Variants in MAP3K3 observed in about 807,000 individuals in gnomAD.
The protein encoded by MAP3K3 is mitogen-activated protein kinase kinase kinase 3.
MAP3K3 carries 12 observed loss-of-function variants against 80.9 expected under a neutral mutation model. The observed-to-expected ratio is 0.15, with a 90% CI of 0.10 to 0.24. MAP3K3 has a LOEUF of 0.24. Ranked by LOEUF, MAP3K3 falls within the 10% of genes least tolerant of loss-of-function variation. The pLI is 1.00. For missense variants in MAP3K3, 596 were observed against 834.7 expected (o/e 0.71, Z 3.52); for synonymous variants, 272 against 307.1 (o/e 0.89, Z 1.19).
chr17:63,690,947 C>A, intron 12 of MAP3K3, 155 bp from the exon 13 acceptor site: 1 of 867,856 alleles, frequency 1.2e-6, no homozygotes, highest in Non-Finnish European at 1.7e-6. Context: ...AGCATTGTGG[C>A]CAAGAGCTAG....
At chr17:63,666,276 ATCT>A (rs1233781648) in intron 5 of MAP3K3, among the ~76,000 whole-genome samples, 3 of 152,154 alleles carry the variant, frequency 2.0e-5, no homozygotes, top group Non-Finnish European at 4.4e-5. Context: ...AAACCCTGGA[ATCT>A]TCTTAATTTT....
intron 5 of MAP3K3, among the ~76,000 whole-genome samples, chr17:63,660,322 G>A (rs2034861741): frequency 6.6e-6 from 1 of 151,402 alleles, no homozygotes; most frequent in Non-Finnish European, 1.5e-5. Flanking sequence ...TCCCATCTCA[G>A]CCTCACAAGT....
chr17:63,678,884 G>A (rs2035274141), intron 6 of MAP3K3, among the ~76,000 whole-genome samples: 1 of 152,040 alleles, frequency 6.6e-6, no homozygotes, highest in African/African-American at 2.4e-5. Flanking sequence ...ATAAGAATTA[G>A]CTGGGTATGG....
Position 63,662,094 on chromosome 17 carries a change from C to T in MAP3K3, c.381+4187C>T, listed in dbSNP as rs150929341. ...CTCCAGCCTGAGCCACAGAGCGAGA[C>T]TCCATCTCATCTCAATAATAATAAC... On this transcript the variant is annotated intron_variant, in intron 5 of 15. Transcript: ENST00000361733. Among the ~76,000 whole-genome samples, 19 of 150,444 alleles carry T rather than the reference C, an allele frequency of 1.3e-4. No homozygotes were observed. In the East Asian group the frequency reaches 3.6e-3, roughly 28 times the overall value.
chr17:63,640,075 G>A (rs2034410141), intron 2 of MAP3K3, among the ~76,000 whole-genome samples: 1 of 152,180 alleles, frequency 6.6e-6, no homozygotes, highest in Non-Finnish European at 1.5e-5. Context: ...GCATTACTCA[G>A]AGATGTAACT....
At chr17:63,671,635 G>A (rs939260634) in intron 6 of MAP3K3, among the ~76,000 whole-genome samples, 1 of 152,114 alleles carries the variant, frequency 6.6e-6, no homozygotes, top group Non-Finnish European at 1.5e-5. Flanking sequence ...CAGAGGTCAG[G>A]TGCCTGAGGT....
chr17:63,688,310 A>G (rs1205895355), intron 8 of MAP3K3: 6 of 588,970 alleles, frequency 1.0e-5, no homozygotes, highest in Non-Finnish European at 1.8e-5. Context: ...CAGATGGGGG[A>G]GATTTACCAC....
At position 63,689,847 on chromosome 17, in the gene MAP3K3, C is replaced by A; in HGVS notation, c.1063+112C>A. 1 of 960,950 alleles carries A rather than the reference C, an allele frequency of 1.0e-6. No individual in the cohort carries two copies. The highest frequency in any genetic ancestry group is 1.5e-6 in the Non-Finnish European group (1 of 652,668). 59.5% of individuals were successfully genotyped at this position (960,950 alleles called of 1,614,324 possible). On this transcript the variant is annotated intron_variant, in intron 11 of 15. Transcript: ENST00000361733. This position sits in a 1 kb window ranked among gnomAD's most constrained non-coding sequence, Gnocchi z 4.3. ...TAGGCTCAGCAGGTGGTGGCTTTGG[C>A]CCAAATGCACCACATGGGATAAGCC...
chr17:63,649,870 G>A (rs1269644036), intron 3 of MAP3K3, among the ~76,000 whole-genome samples: 1 of 152,186 alleles, frequency 6.6e-6, no homozygotes, highest in Non-Finnish European at 1.5e-5. Flanking sequence ...AAATTATCTG[G>A]TCAGATTTTA....
chr17:63,641,138 A>G (rs1177300998), intron 2 of MAP3K3, among the ~76,000 whole-genome samples: 1 of 152,156 alleles, frequency 6.6e-6, no homozygotes, highest in African/African-American at 2.4e-5. Flanking sequence ...ACCCAATTAT[A>G]TGATTTAATT....
At chr17:63,672,339 A>G (rs916365327) in intron 6 of MAP3K3, among the ~76,000 whole-genome samples, 54 of 151,342 alleles carry the variant, frequency 3.6e-4, no homozygotes, top group African/African-American at 1.3e-3. Flanking sequence ...ATTGAGAGAG[A>G]GGGAGGTAAA....
intron 2 of MAP3K3, among the ~76,000 whole-genome samples, chr17:63,640,337 G>C (rs1309167199): frequency 6.6e-6 from 1 of 152,112 alleles, no homozygotes; most frequent in African/African-American, 2.4e-5. Context: ...TAGGAGAGTA[G>C]TTGATATAGA....
intron 4 of MAP3K3, among the ~76,000 whole-genome samples, chr17:63,654,351 A>AAGCGTATGT (rs1220248186): frequency 6.1e-5 from 7 of 114,102 alleles, no homozygotes; most frequent in African/African-American, 2.5e-4. Flanking sequence ...TTCTTTGACT[A>AAGCGTATGT]AGCGTATGTT....
intron 3 of MAP3K3, among the ~76,000 whole-genome samples, chr17:63,650,672 G>T (rs1295793620): frequency 6.8e-6 from 1 of 147,082 alleles, no homozygotes; most frequent in Non-Finnish European, 1.5e-5. Flanking sequence ...GAGAGAGAGA[G>T]AGAGAGAGAG....
intron 2 of MAP3K3, among the ~76,000 whole-genome samples, chr17:63,640,730 A>AG (rs1244253616): frequency 6.6e-6 from 1 of 152,190 alleles, no homozygotes; most frequent in Non-Finnish European, 1.5e-5. Context: ...CAGTACAAGG[A>AG]GGGGGAGAAC....
chr17:63,669,949 A>G (rs2035071089), intron 6 of MAP3K3, among the ~76,000 whole-genome samples: 1 of 151,952 alleles, frequency 6.6e-6, no homozygotes, highest in Non-Finnish European at 1.5e-5. Flanking sequence ...CAAAAAATAC[A>G]AAAATTAGCC....
At chr17:63,677,777 G>A (rs1324564459) in intron 6 of MAP3K3, among the ~76,000 whole-genome samples, 1 of 152,202 alleles carries the variant, frequency 6.6e-6, no homozygotes, top group Non-Finnish European at 1.5e-5. Flanking sequence ...TGAAGCAGGA[G>A]GATCCCTTGA....
At chr17:63,625,210 A>G (rs926731016) in intron 1 of MAP3K3, among the ~76,000 whole-genome samples, 2 of 152,228 alleles carry the variant, frequency 1.3e-5, no homozygotes, top group East Asian at 3.8e-4. Flanking sequence ...TAATAAAAAC[A>G]TGTCAGATTT....
chr17:63,624,142 G>A (rs2034052654), intron 1 of MAP3K3, among the ~76,000 whole-genome samples: 2 of 152,180 alleles, frequency 1.3e-5, no homozygotes, highest in African/African-American at 4.8e-5. Flanking sequence ...AAGGAACCCA[G>A]TAAGGCCTGG....
Sources: allele counts gnomAD v4.1 joint callset (sites outside exome capture counted in the v4.1 genomes callset), GRCh38; gene constraint gnomAD v4.1.1; non-coding constraint Gnocchi (gnomAD v3.1); transcripts MANE v1.5; gene names NCBI Gene and HGNC (gene_info 2026-07-23, HGNC 2026-07-21).